LEKR1: variants seen among roughly 807,000 people sequenced by gnomAD.
LEKR1 encodes the protein leucine, glutamate and lysine rich 1, also known as protein LEKR1.
LEKR1 carries 59 observed loss-of-function variants against 72.4 expected under a neutral mutation model. That is an observed-to-expected ratio of 0.82 (90% CI 0.66 to 1.01). The LOEUF is 1.01. Ranked by LOEUF, LEKR1 falls within the 50% of genes least tolerant of loss-of-function variation. LEKR1 has a pLI of 0.00. For synonymous variants in LEKR1, 257 were observed against 263.2 expected (o/e 0.98, Z 0.23); for missense variants, 728 against 759.2 (o/e 0.96, Z 0.48).
chr3:156,905,739 T>A (rs1162138074), intron 3 of LEKR1, among the ~76,000 whole-genome samples: 1 of 152,178 alleles, frequency 6.6e-6, no homozygotes, highest in African/African-American at 2.4e-5. Context: ...AAAAGGTAGT[T>A]TAATTTTCTG....
intron 3 of LEKR1, among the ~76,000 whole-genome samples, chr3:156,920,157 AT>A (rs1377655525): frequency 6.6e-6 from 1 of 152,160 alleles, no homozygotes. Flanking sequence ...TTCTTTATAA[AT>A]TACCTAGCCT....
At chr3:156,839,805 G>A (rs1006791491) in intron 2 of LEKR1, among the ~76,000 whole-genome samples, 2 of 152,166 alleles carry the variant, frequency 1.3e-5, no homozygotes, top group Admixed American at 6.5e-5. Context: ...TGATATGGGC[G>A]CTGAAACTAA....
At chr3:157,035,851 T>C (rs1202544214) in intron 12 of LEKR1, among the ~76,000 whole-genome samples, 1 of 152,088 alleles carries the variant, frequency 6.6e-6, no homozygotes, top group Non-Finnish European at 1.5e-5. Flanking sequence ...GTAGCGGAGA[T>C]CACACCACTG....
At chr3:156,935,362 T>A (rs578204337) in intron 5 of LEKR1, among the ~76,000 whole-genome samples, 6 of 152,286 alleles carry the variant, frequency 3.9e-5, no homozygotes, top group South Asian at 2.1e-4. Context: ...TTTTGCCTTT[T>A]AAAAAACTTT....
intron 12 of LEKR1, among the ~76,000 whole-genome samples, chr3:157,036,541 C>T (rs1238602871): frequency 6.6e-6 from 1 of 152,114 alleles, no homozygotes; most frequent in Non-Finnish European, 1.5e-5. Flanking sequence ...AAAAATGATA[C>T]TACCCTGGCA....
intron 6 of LEKR1, among the ~76,000 whole-genome samples, chr3:156,961,993 T>C (rs556425328): frequency 6.6e-6 from 1 of 152,378 alleles, no homozygotes; most frequent in Admixed American, 6.5e-5. Flanking sequence ...GCTATACATT[T>C]TAATTTCTCT....
intron 3 of LEKR1, among the ~76,000 whole-genome samples, chr3:156,899,413 T>A (rs1721617410): frequency 1.3e-5 from 1 of 76,760 alleles, no homozygotes; most frequent in Non-Finnish European, 2.4e-5. Context: ...TATATACATA[T>A]ATACACATAT....
At chr3:156,828,742 A>G (rs116209430) in intron 1 of LEKR1, among the ~76,000 whole-genome samples, 1,566 of 152,312 alleles carry the variant, frequency 0.01, 11 homozygotes, top group Non-Finnish European at 0.017. Flanking sequence ...TCCATCTTAG[A>G]TAAAATTGGC....
At chr3:156,908,537 G>A (rs1303250134) in intron 3 of LEKR1, among the ~76,000 whole-genome samples, 4 of 151,926 alleles carry the variant, frequency 2.6e-5, no homozygotes, top group Non-Finnish European at 4.4e-5. Context: ...TCTTGTTTTG[G>A]ACATTAGTAG....
At chr3:156,845,278 C>CTGTA (rs1310702060) in intron 2 of LEKR1, among the ~76,000 whole-genome samples, 1 of 151,642 alleles carries the variant, frequency 6.6e-6, no homozygotes, top group Non-Finnish European at 1.5e-5. Context: ...TTCTCCTGGT[C>CTGTA]TGTAGCTTGT....
At position 157,011,124 on chromosome 3, in the gene LEKR1, T is replaced by C. The variant is rs1157078952; in HGVS notation, c.1110-289T>C. On this transcript the variant is annotated intron_variant, in intron 9 of 12. Transcript: ENST00000356539. ...TGCACACATGAACAGCCAGAAGACA[T>C]TTCATTGTATTTGTGACTCTGCATA... Among the ~76,000 whole-genome samples the C allele has an allele frequency of 2.6e-5, 4 of 152,118 alleles. No homozygotes were observed. In the East Asian group the frequency reaches 7.7e-4, roughly 29 times the overall value.
chr3:157,020,374 C>G (rs1487827836), intron 10 of LEKR1, among the ~76,000 whole-genome samples: 1 of 144,434 alleles, frequency 6.9e-6, no homozygotes, highest in African/African-American at 2.5e-5. Flanking sequence ...GTGTGCTGCA[C>G]CCATTAACTC....
intron 3 of LEKR1, among the ~76,000 whole-genome samples, chr3:156,868,658 A>G (rs1717581679): frequency 6.6e-6 from 1 of 152,072 alleles, no homozygotes; most frequent in Non-Finnish European, 1.5e-5. Context: ...TTGAGTTTTT[A>G]TAATTTCTAT....
intron 9 of LEKR1, among the ~76,000 whole-genome samples, chr3:157,009,720 T>C (rs1018477116): frequency 2.0e-5 from 3 of 152,070 alleles, no homozygotes; most frequent in Admixed American, 6.5e-5. Context: ...CTGGGCTGAT[T>C]TGTCTATAAC....
At chr3:157,020,282 A>ATTATT (rs1173429875) in intron 10 of LEKR1, among the ~76,000 whole-genome samples, 4 of 146,988 alleles carry the variant, frequency 2.7e-5, no homozygotes, top group South Asian at 4.3e-4. Context: ...TATTATTATT[A>ATTATT]TTATTATTAT....
intron 4 of LEKR1, 108 bp from the exon 5 acceptor site, chr3:156,927,321 G>T (rs971308231): frequency 6.5e-6 from 2 of 305,378 alleles, no homozygotes; most frequent in Non-Finnish European, 1.1e-5. Flanking sequence ...TTTCAAAATT[G>T]TCTCCAATTA....
intron 12 of LEKR1, among the ~76,000 whole-genome samples, chr3:157,030,346 A>G (rs750708864): frequency 1.3e-5 from 2 of 152,234 alleles, no homozygotes; most frequent in Non-Finnish European, 2.9e-5. Context: ...ACAAACTTCC[A>G]TACCCCATAA....
intron 3 of LEKR1, among the ~76,000 whole-genome samples, chr3:156,866,676 G>A (rs959299708): frequency 2.0e-5 from 3 of 151,932 alleles, no homozygotes; most frequent in African/African-American, 7.2e-5. Flanking sequence ...TTGATATGAT[G>A]TTTTATGATT....
intron 4 of LEKR1, among the ~76,000 whole-genome samples, chr3:156,923,489 G>A (rs1485643575): frequency 6.6e-6 from 1 of 152,078 alleles, no homozygotes; most frequent in Non-Finnish European, 1.5e-5. Context: ...TCATGTTGTG[G>A]CACTTATCCA....
Sources: gnomAD v4.1 joint callset for allele counts (sites outside exome capture counted in the v4.1 genomes callset) on GRCh38, gnomAD v4.1.1 for gene constraint, MANE v1.5 for transcripts, NCBI Gene and HGNC (gene_info 2026-07-23, HGNC 2026-07-21) for gene names.